The following STX16 variants were observed in gnomAD, a reference collection of about 807,000 sequenced individuals.
STX16 encodes the protein syntaxin-16.
Under a neutral mutation model 42.7 loss-of-function variants are expected in STX16, and 28 were observed. The observed-to-expected ratio is 0.66, with a 90% CI of 0.49 to 0.90. The LOEUF (loss-of-function observed/expected upper bound fraction) is 0.90. STX16 is among the 40% of genes least tolerant of loss of function. The pLI, the probability that STX16 is intolerant of heterozygous loss-of-function variation, is 0.00. For synonymous variants in STX16, 156 were observed against 155.2 expected, an observed-to-expected ratio of 1.00 and a Z score of -0.04; for missense variants, 361 against 420.9, an observed-to-expected ratio of 0.86 and a Z score of 1.24.
intron 1 of STX16, among the ~76,000 whole-genome samples, chr20:58,654,027 G>C (rs1406261989): frequency 6.6e-6 from 1 of 151,916 alleles, no homozygotes; most frequent in Non-Finnish European, 1.5e-5. Flanking sequence ...GATAGTTAAC[G>C]TATACAGTTT....
chr20:58,660,088 G>A (rs1046495272), intron 2 of STX16, among the ~76,000 whole-genome samples: 5 of 152,182 alleles, frequency 3.3e-5, no homozygotes, highest in Non-Finnish European at 7.3e-5. Flanking sequence ...CTCCTGTCTG[G>A]AATGAGATGA....
chr20:58,666,096 ATTATTAG>A (rs2083820513), intron 2 of STX16, among the ~76,000 whole-genome samples: 1 of 152,092 alleles, frequency 6.6e-6, no homozygotes, highest in Non-Finnish European at 1.5e-5. Flanking sequence ...TTGTTCCTTT[ATTATTAG>A]AAAAGCAAAT....
chr20:58,668,385 C>T (rs1044178220), intron 4 of STX16, among the ~76,000 whole-genome samples: 2 of 152,064 alleles, frequency 1.3e-5, no homozygotes, highest in Admixed American at 6.5e-5. Flanking sequence ...CAAACATTAT[C>T]GAGTTCAATC....
intron 7 of STX16, 140 bp downstream of exon 7, chr20:58,671,437 G>GTGTGTGTGTGTGTGTGT (rs1555843072): frequency 1.3e-5 from 3 of 224,578 alleles, no homozygotes; most frequent in Non-Finnish European, 2.4e-5. Context: ...TGTGTGTGTG[G>GTGTGTGTGTGTGTGTGT]GTGTGTGTGT....
intron 1 of STX16, among the ~76,000 whole-genome samples, chr20:58,652,459 A>G (rs1047768598): frequency 2.1e-5 from 3 of 145,876 alleles, no homozygotes. Context: ...ATTGGGAAGC[A>G]TTGGGCCTTT....
chr20:58,652,374 C>CG (rs1007878737), intron 1 of STX16: 16 of 593,676 alleles, frequency 2.7e-5, no homozygotes, highest in South Asian at 2.7e-4. Context: ...CCGCAGCACC[C>CG]CCCCCCCCGC....
intron 2 of STX16, among the ~76,000 whole-genome samples, chr20:58,666,298 A>T (rs900121325): frequency 3.9e-5 from 6 of 152,208 alleles, no homozygotes; most frequent in Admixed American, 6.5e-5. Flanking sequence ...TGAAACTGGC[A>T]TTTAAAAATT....
At chr20:58,652,389 C>T (rs1300793186) in intron 1 of STX16, 1 of 601,138 alleles carries the variant, frequency 1.7e-6, no homozygotes, top group Non-Finnish European at 3.1e-6. Context: ...CCCCGCACCC[C>T]CCGCCTTGGC....
At chr20:58,652,649 G>A (rs1164438436) in intron 1 of STX16, among the ~76,000 whole-genome samples, 1 of 151,834 alleles carries the variant, frequency 6.6e-6, no homozygotes, top group Non-Finnish European at 1.5e-5. Context: ...TTTTCCGCCC[G>A]TTTTCTTTTA....
intron 2 of STX16, among the ~76,000 whole-genome samples, chr20:58,664,762 A>G (rs2083778033): frequency 6.6e-6 from 1 of 152,274 alleles, no homozygotes; most frequent in Non-Finnish European, 1.5e-5. Flanking sequence ...GATAGATACC[A>G]TCTCTCTGTC....
intron 2 of STX16, among the ~76,000 whole-genome samples, chr20:58,661,260 T>C (rs959547714): frequency 6.6e-6 from 1 of 152,256 alleles, no homozygotes; most frequent in African/African-American, 2.4e-5. Flanking sequence ...TAAGTGGTCA[T>C]AATTACTTCG....
chr20:58,663,416 A>C (rs1443297019), intron 2 of STX16, among the ~76,000 whole-genome samples: 1 of 152,242 alleles, frequency 6.6e-6, no homozygotes, highest in Non-Finnish European at 1.5e-5. Flanking sequence ...AAATGTCAAC[A>C]TTTGAAGTGG....
chr20:58,663,213 T>C lies in STX16; in HGVS notation c.144+3579T>C, dbSNP rs997233118. Among the ~76,000 whole-genome samples the C allele has an allele frequency of 3.3e-5, 5 of 152,368 alleles. No homozygotes were observed. In the East Asian group the frequency reaches 9.6e-4, roughly 29 times the overall value. On this transcript the variant is annotated intron_variant, in intron 2 of 8. Transcript: ENST00000371141. ...TAGATGGGGAGGAGGTGTAGCTGAC[T>C]TTTCCAATCTCCACAGAGGCTTTGC...
rs755278381 is a variant in STX16, at chr20:58,676,317, G to A, written c.*26G>A. Reference sequence around the variant, plus strand: ...GTGGCATTGGGTTTTCGTGTGTGCCGCGCGTGTGGATCTCCCGGGTGTGAG... The same window carrying A: ...GTGGCATTGGGTTTTCGTGTGTGCCACGCGTGTGGATCTCCCGGGTGTGAG... On this transcript the variant is annotated 3_prime_UTR_variant, in exon 9 of 9. Coordinates refer to ENST00000371141, the MANE Select transcript of STX16 (RefSeq NM_001001433.3). 2.5e-6 allele frequency: 4 copies of A among 1,592,526 alleles called. No homozygotes were observed. The highest frequency in any genetic ancestry group is 1.7e-4 in the Middle Eastern group (1 of 6,024).
At position 58,676,206 on chromosome 20, in the gene STX16, A is replaced by C; in HGVS notation, c.893A>C (p.Lys298Thr). 1 of 1,614,180 alleles carries C rather than the reference A, an allele frequency of 6.2e-7. No individual in the cohort carries two copies. Among genetic ancestry groups the C allele is most frequent in the Non-Finnish European group, 8.5e-7 (1 of 1,179,988 alleles). Residue 298 changes from lysine (K) to threonine (T), a missense_variant, in exon 9 of 9, where the codon AAG (lysine) becomes ACG (threonine). Transcript: ENST00000371141. Reference sequence around the variant, plus strand: ...TTGTAGGCAGAACAGTATCAAAAGAAGAATCGGAAGATGCTTGTGATTTTA... The same window carrying C: ...TTGTAGGCAGAACAGTATCAAAAGACGAATCGGAAGATGCTTGTGATTTTA... Reference protein sequence around the residue: ...QLHKAEQYQKKNRKMLVILIL... With the variant: ...QLHKAEQYQKTNRKMLVILIL...
rs1370129022 is a variant in STX16, at chr20:58,667,933, G to A, written c.253-54G>A. The A allele has an allele frequency of 3.1e-6, 5 of 1,611,166 alleles. No homozygotes were observed. The Admixed American group carries it at 8.3e-5, about 27-fold the overall frequency. On this transcript the variant is annotated intron_variant, in intron 3 of 8. Coordinates refer to ENST00000371141, the MANE Select transcript of STX16 (RefSeq NM_001001433.3). ...CTGTATGCTGAGTGTAGCTGATGGAGGCAGACCATAGCCTGCCTGGCATCA... is the reference window on the plus strand; with the variant it reads ...CTGTATGCTGAGTGTAGCTGATGGAAGCAGACCATAGCCTGCCTGGCATCA...
chr20:58,670,591 T>C lies in STX16; in HGVS notation c.636T>C (p.Thr212=), dbSNP rs777183501. The C allele has an allele frequency of 6.2e-7, 1 of 1,614,036 alleles. No individual in the cohort carries two copies. Among genetic ancestry groups the C allele is most frequent in the Admixed American group, 1.7e-5 (1 of 60,026 alleles). The change falls in exon 6 of 9, where the codon ACT becomes ACC. Residue 212 remains threonine (T), a synonymous_variant. Coordinates refer to ENST00000371141, the MANE Select transcript of STX16 (RefSeq NM_001001433.3). The part of the protein sequence containing the change: ...VPLMDDGDDN[T]LYHRGFTEDQ... ...TAATGGATGATGGAGACGATAACACTCTTTACCATCGGGTACGTGAACGGG... is the reference window on the plus strand; with the variant it reads ...TAATGGATGATGGAGACGATAACACCCTTTACCATCGGGTACGTGAACGGG...
intron 7 of STX16, among the ~76,000 whole-genome samples, 170 bp downstream of exon 7, chr20:58,671,467 T>G (rs2083974350): frequency 8.9e-6 from 1 of 112,672 alleles, no homozygotes; most frequent in Non-Finnish European, 1.9e-5. Flanking sequence ...TGTGTGTGTG[T>G]GTGTGTATAT....
Position 58,673,245 on chromosome 20 carries a change from A to G in STX16, c.793-386A>G, listed in dbSNP as rs540739386. 2.6e-5 allele frequency among the ~76,000 whole-genome samples: 4 copies of G among 152,278 alleles called. No individual in the cohort carries two copies. The South Asian group carries it at 8.3e-4, about 32-fold the overall frequency. ...CGAGCTTACCTGGTGTTCTCTGCTT[A>G]CTTGAATCCAAGTACGTAGGCAGCA... On this transcript the variant is annotated intron_variant, in intron 7 of 8. Coordinates refer to ENST00000371141, the MANE Select transcript of STX16 (RefSeq NM_001001433.3).
Sources: allele counts gnomAD v4.1 joint callset (sites outside exome capture counted in the v4.1 genomes callset), GRCh38; gene constraint gnomAD v4.1.1; transcripts MANE v1.5; gene names NCBI Gene and HGNC (gene_info 2026-07-23, HGNC 2026-07-21).